The following PLXNA1 variants were observed in gnomAD, a reference collection of about 807,000 sequenced individuals.
PLXNA1 encodes the protein plexin-A1.
PLXNA1 carries 77 observed loss-of-function variants against 191.7 expected under a neutral mutation model. That is an observed-to-expected ratio of 0.40 (90% confidence interval 0.33 to 0.49). The LOEUF (loss-of-function observed/expected upper bound fraction) is 0.49, where lower values mean the gene tolerates loss of function less well. Ranked by LOEUF, PLXNA1 falls within the 20% of genes least tolerant of loss-of-function variation. PLXNA1 has a pLI of 0.63. For synonymous variants in PLXNA1, 1,137 were observed against 1,156.4 expected (o/e 0.98, Z 0.34); for missense variants, 2,110 against 2,660.2 (o/e 0.79, Z 4.55).
intron 10 of PLXNA1, among the ~76,000 whole-genome samples, chr3:127,013,237 T>C (rs1383547333): frequency 6.6e-6 from 1 of 152,196 alleles, no homozygotes; most frequent in Non-Finnish European, 1.5e-5. Context: ...CCCTGCACTT[T>C]CCACCTGCGT....
rs567310934 is a variant in PLXNA1, at chr3:127,030,100, G to A, written c.5061+36G>A. 6.2e-5 allele frequency: 100 copies of A among 1,603,614 alleles called. 2 individuals carry two copies. In the East Asian group the frequency reaches 2.2e-3, roughly 35 times the overall value. On this transcript the variant is annotated intron_variant, in intron 28 of 31. Transcript: ENST00000393409. ...CTGGCAGATGGGGGCAGGGGACGCT[G>A]GGCCAACTGAGCTCAGAGAAAGTGC... is the stretch of plus-strand genomic sequence containing the variant.
rs1003405232 is a variant in PLXNA1, at chr3:126,984,015, C to G, written c.-74+728C>G. 7.2e-5 allele frequency among the ~76,000 whole-genome samples: 11 copies of G among 152,328 alleles called. No homozygotes were observed. In the East Asian group the frequency reaches 9.7e-4, roughly 13 times the overall value. ...CCGCTCGGGCCTCCTTGGCCTCCCC[C>G]TCTCGGGGCCTCTCCAGGGTCAGCC... is the stretch of plus-strand genomic sequence containing the variant. On this transcript the variant is annotated intron_variant, in intron 1 of 31. Coordinates refer to ENST00000393409, the MANE Select transcript of PLXNA1 (RefSeq NM_032242.4).
At chr3:127,020,150 A>G (rs2079145148) in intron 20 of PLXNA1, 52 bp from the exon 21 acceptor site, 2 of 1,597,846 alleles carry the variant, frequency 1.3e-6, no homozygotes, top group Non-Finnish European at 1.7e-6. Flanking sequence ...GGGTTGGGGC[A>G]TGGAGCGGGG....
chr3:127,006,689 C>T (rs1388205084), intron 8 of PLXNA1, among the ~76,000 whole-genome samples: 5 of 152,164 alleles, frequency 3.3e-5, no homozygotes, highest in East Asian at 3.9e-4. Context: ...TACTGTTGGA[C>T]GATGCAGCAT....
In PLXNA1 at chr3:127,028,163, G is replaced by T. The variant is rs2079186160; in HGVS notation, c.4510-18G>T. 6.2e-7 allele frequency: 1 copy of T among 1,613,080 alleles called. No individual in the cohort carries two copies. The highest frequency in any genetic ancestry group is 1.7e-5 in the Admixed American group (1 of 60,006). ...GTTGTGGGGCTGACGCTGCCCCCTT[G>T]CTCCACCCCGCCCGCAGACCCTGAA... On this transcript the variant is annotated intron_variant, in intron 24 of 31. Transcript: ENST00000393409.
At chr3:127,007,771 G>A (rs1314583618) in intron 8 of PLXNA1, 28 bp from the exon 9 acceptor site, 2 of 1,530,546 alleles carry the variant, frequency 1.3e-6, no homozygotes, top group Non-Finnish European at 1.8e-6. Context: ...CGGGTCCCCA[G>A]GCTTCAGCAC....
At chr3:127,028,415 T>A (rs1353573484) in intron 25 of PLXNA1, 75 bp downstream of exon 25, 14 of 1,486,234 alleles carry the variant, frequency 9.4e-6, no homozygotes, top group Non-Finnish European at 1.3e-5. Flanking sequence ...AGTACTGAGC[T>A]TGGCGGGGAA....
rs762719087 is a variant in PLXNA1 at position 127,028,358 on chromosome 3, C to T, written c.4669+18C>T. The T allele has an allele frequency of 9.4e-6, 15 of 1,602,470 alleles. No individual in the cohort carries two copies. Among genetic ancestry groups the T allele is most frequent in the East Asian group, 8.9e-5 (4 of 44,790 alleles). On this transcript the variant is annotated intron_variant, in intron 25 of 31. Transcript: ENST00000393409. ...GGACCTGGGTGAGCGGGCGGGGCCACGGCTGCCCGGGGTGTGTGCTGGAGC... is the reference window on the plus strand; with the variant it reads ...GGACCTGGGTGAGCGGGCGGGGCCATGGCTGCCCGGGGTGTGTGCTGGAGC...
In PLXNA1 at chr3:127,035,548, TG is replaced by T. The variant is rs924103236; in HGVS notation, c.*1532del. 4.4e-4 allele frequency: 67 copies of T among 152,656 alleles called. No individual in the cohort carries two copies. Among genetic ancestry groups the T allele is most frequent in the African/African-American group, 1.6e-3 (65 of 41,464 alleles). The allele number at this position is 152,656 out of a possible 1,614,324, so 9.5% of individuals were successfully genotyped here. ...GATTGTGCTAGCGTTTAGTCTGAGT[TG>T]ATCTTTTTAAAACTGCAAGTGTTGA... is the stretch of plus-strand genomic sequence containing the variant. On this transcript the variant is annotated 3_prime_UTR_variant, in exon 32 of 32. Coordinates refer to ENST00000393409, the MANE Select transcript of PLXNA1 (RefSeq NM_032242.4).
intron 7 of PLXNA1, 83 bp from the exon 8 acceptor site, chr3:127,005,996 C>A: frequency 9.8e-7 from 1 of 1,018,532 alleles, no homozygotes; most frequent in South Asian, 1.3e-5. Flanking sequence ...GGTCTCCGGG[C>A]AAGTTGTTCC....
chr3:127,005,240 C>A lies in PLXNA1; in HGVS notation c.1894C>A (p.Gln632Lys), dbSNP rs1370432756. 6.2e-7 allele frequency: 1 copy of A among 1,603,964 alleles called. No homozygotes were observed. The highest frequency in any genetic ancestry group is 1.1e-5 in the South Asian group (1 of 89,664). The part of the protein sequence containing the change: ...AREVAPITRG[Q>K]GDQRVVKLYL... ...GGAGGTGGCGCCCATCACGCGGGGC[C>A]AGGGTGAGTGGCCCCAACACAATGG... is the stretch of plus-strand genomic sequence containing the variant. The change falls in exon 7 of 32, where the codon CAG (glutamine) becomes AAG (lysine). Residue 632 changes from glutamine (Q) to lysine (K), a missense_variant. By Grantham distance (53) the Gln-to-Lys change is moderately conservative. Coordinates refer to ENST00000393409, the MANE Select transcript of PLXNA1 (RefSeq NM_032242.4).
In PLXNA1 at chr3:127,003,387, G is replaced by C; in HGVS notation, c.1435G>C (p.Val479Leu). The C allele has an allele frequency of 6.2e-7, 1 of 1,612,000 alleles. No individual in the cohort carries two copies. Among genetic ancestry groups the C allele is most frequent in the African/African-American group, 1.3e-5 (1 of 75,026 alleles). ...GCCTGCCCTGGCCTACGAGAGCGTC[G>C]TGGCCCAGGAGGGCAGCCCCATCCT... ...GRPALAYESVVAQEGSPILRD... is the reference protein window; with the variant it reads ...GRPALAYESVLAQEGSPILRD... The change falls in exon 4 of 32, where the codon GTG (valine) becomes CTG (leucine). Residue 479 changes from valine to leucine, a missense_variant. Coordinates refer to ENST00000393409, the MANE Select transcript of PLXNA1 (RefSeq NM_032242.4).
At chr3:127,030,624 G>A (rs948638453) in intron 29 of PLXNA1, among the ~76,000 whole-genome samples, 4 of 152,206 alleles carry the variant, frequency 2.6e-5, no homozygotes, top group African/African-American at 9.6e-5. Flanking sequence ...TGCTCCAGCC[G>A]CTGAGCCCCT....
At position 127,004,467 on chromosome 3, in the gene PLXNA1, G is replaced by A. The variant is rs1260699117; in HGVS notation, c.1519-144G>A. 5 of 671,608 alleles carry A rather than the reference G, an allele frequency of 7.4e-6. No individual in the cohort carries two copies. In the East Asian group the frequency reaches 1.4e-4, roughly 18 times the overall value. 41.6% of individuals were successfully genotyped at this position (671,608 alleles called of 1,614,324 possible). On this transcript the variant is annotated intron_variant, in intron 4 of 31. Transcript: ENST00000393409. Reference sequence around the variant, plus strand: ...TGCGACCTGGCTTGGCCAGGGCAGGGTCACCAGATCTGCCTTTGAATAGAC... The same window carrying A: ...TGCGACCTGGCTTGGCCAGGGCAGGATCACCAGATCTGCCTTTGAATAGAC...
chr3:127,025,795 G>T (rs2079173933), intron 23 of PLXNA1, among the ~76,000 whole-genome samples: 1 of 152,228 alleles, frequency 6.6e-6, no homozygotes, highest in Non-Finnish European at 1.5e-5. Context: ...TGTGGTCTGT[G>T]CATACAATGA....
Position 126,989,591 on chromosome 3 carries a change from A to T in PLXNA1, c.998A>T (p.Asp333Val). The change falls in exon 2 of 32, where the codon GAC (aspartate) becomes GTC (valine). Residue 333 changes from aspartate to valine, a missense_variant. Transcript: ENST00000393409. ...GCCCACCAGCTGGGCCTGGCTGAGG[A>T]CGAGGACGTGCTGTTCACTGTGTTC... ...ALAHQLGLAE[D>V]EDVLFTVFAQ... 1 of 1,613,226 alleles carries T rather than the reference A, an allele frequency of 6.2e-7. No homozygotes were observed. Among genetic ancestry groups the T allele is most frequent in the Non-Finnish European group, 8.5e-7 (1 of 1,180,016 alleles).
chr3:127,027,926 C>T lies in PLXNA1; in HGVS notation c.4363-14C>T, dbSNP rs773026122. ...GGGGGTCCTGGCTGCAGCCTCATGC[C>T]GCCACCCCCGCAGGAGTGCGCTGGG... is the stretch of plus-strand genomic sequence containing the variant. On this transcript the variant is annotated splice_polypyrimidine_tract_variant and intron_variant, in intron 23 of 31. Transcript: ENST00000393409. 7.5e-5 allele frequency: 121 copies of T among 1,612,700 alleles called. No homozygotes were observed. The highest frequency in any genetic ancestry group is 9.2e-5 in the Non-Finnish European group (109 of 1,179,856).
At chr3:126,995,812 T>C (rs541531324) in intron 3 of PLXNA1, among the ~76,000 whole-genome samples, 73 of 152,296 alleles carry the variant, frequency 4.8e-4, no homozygotes, top group Admixed American at 9.8e-4. Flanking sequence ...TGAAGCCCCA[T>C]CCTCTGGGGC....
At chr3:127,004,846 G>C in intron 5 of PLXNA1, 39 bp from the exon 6 acceptor site, 1 of 1,566,180 alleles carries the variant, frequency 6.4e-7, no homozygotes, top group Non-Finnish European at 8.7e-7. Flanking sequence ...GGCCCCGTAG[G>C]TCTCCCCATC....
Sources: gnomAD v4.1 joint callset for allele counts (sites outside exome capture counted in the v4.1 genomes callset) on GRCh38, gnomAD v4.1.1 for gene constraint, MANE v1.5 for transcripts, NCBI Gene and HGNC (gene_info 2026-07-23, HGNC 2026-07-21) for gene names.